The following PDK3 variants were observed in gnomAD, a reference collection of about 807,000 sequenced individuals.
The protein encoded by PDK3 is pyruvate dehydrogenase kinase 3, also known as pyruvate dehydrogenase kinase, isozyme 3.
PDK3 carries 12 observed loss-of-function variants against 32.0 expected under a neutral mutation model. That is an observed-to-expected ratio of 0.37 (90% CI 0.24 to 0.61). The LOEUF (loss-of-function observed/expected upper bound fraction) is 0.61, where lower values mean the gene tolerates loss of function less well. Ranked by LOEUF, PDK3 falls within the 20% of genes least tolerant of loss-of-function variation. The probability of loss-of-function intolerance (pLI) is 0.65; values close to 1 mark genes in which losing one functional copy is unlikely to be tolerated. For synonymous variants in PDK3, 122 were observed against 116.3 expected (o/e 1.05, Z -0.31); for missense variants, 188 against 316.9 (o/e 0.59, Z 3.09).
intron 2 of PDK3, among the ~76,000 whole-genome samples, chrX:24,495,659 C>T (rs1921681684): frequency 8.9e-6 from 1 of 112,739 alleles, no homozygotes; most frequent in Non-Finnish European, 1.9e-5. Context: ...GCACACCACC[C>T]TCCCAGTACC....
intron 2 of PDK3, 126 bp from the exon 3 acceptor site, chrX:24,498,703 A>T: frequency 2.5e-6 from 1 of 395,892 alleles, no homozygotes; most frequent in Middle Eastern, 3.8e-4. Context: ...CACATGGGGG[A>T]TGCGGATGGG....
rs764816292 is a variant in PDK3, at chrX:24,465,410, C to T, written c.-46C>T. The T allele has an allele frequency of 1.0e-5, 10 of 1,004,114 alleles. No individual in the cohort carries two copies. The highest frequency in any genetic ancestry group is 2.5e-5 in the Admixed American group (1 of 40,090). 82.8% of individuals were successfully genotyped at this position (1,004,114 alleles called of 1,213,427 possible). A position where few individuals can be genotyped will look rare whatever the true frequency, so the allele number is the denominator to read the frequency against. On this transcript the variant is annotated 5_prime_UTR_variant, in exon 1 of 11. Coordinates refer to ENST00000379162, the MANE Select transcript of PDK3 (RefSeq NM_005391.5). Reference sequence around the variant, plus strand: ...TGCGGCTTGGCTGCGCCAGCCCTTGCGGCCACCCGGGCGTCTAGGCGGGTC... The same window carrying T: ...TGCGGCTTGGCTGCGCCAGCCCTTGTGGCCACCCGGGCGTCTAGGCGGGTC...
chrX:24,538,407 A>C (rs1044434090), downstream of PDK3, among the ~76,000 whole-genome samples: 5 of 112,264 alleles, frequency 4.5e-5, no homozygotes, highest in Non-Finnish European at 7.5e-5. Flanking sequence ...GGTTCTAAGA[A>C]AATTTATTTT....
chrX:24,540,878 A>ACCCTAGC (rs1555951575), exon 12 of PDK3, among the ~76,000 whole-genome samples: 1 of 81,811 alleles, frequency 1.2e-5, no homozygotes, highest in Non-Finnish European at 2.3e-5. Context: ...ACATGCAAAG[A>ACCCTAGC]CCCTAGCTTC....
chrX:24,532,549 T>G (rs929919365), intron 10 of PDK3, among the ~76,000 whole-genome samples: 3 of 111,588 alleles, frequency 2.7e-5, no homozygotes, highest in African/African-American at 9.8e-5. Context: ...TTCTAAACTC[T>G]AGAATATTTG....
chrX:24,492,828 G>A (rs1921600534), intron 1 of PDK3, among the ~76,000 whole-genome samples: 1 of 109,073 alleles, frequency 9.2e-6, no homozygotes, highest in African/African-American at 3.3e-5. Context: ...GTGAAACCCC[G>A]TCTCTACTAA....
At chrX:24,466,139 AT>A (rs1940061942) in intron 1 of PDK3, among the ~76,000 whole-genome samples, 2 of 110,599 alleles carry the variant, frequency 1.8e-5, no homozygotes, top group African/African-American at 3.3e-5. Flanking sequence ...GGATCCTAGC[AT>A]CAGAGCAGGG....
In PDK3 at chrX:24,465,398, C is replaced by A; in HGVS notation, c.-58C>A. Reference sequence around the variant, plus strand: ...GTGCCCTATCCGTGCGGCTTGGCTGCGCCAGCCCTTGCGGCCACCCGGGCG... The same window carrying A: ...GTGCCCTATCCGTGCGGCTTGGCTGAGCCAGCCCTTGCGGCCACCCGGGCG... On this transcript the variant is annotated 5_prime_UTR_variant, in exon 1 of 11. Coordinates refer to ENST00000379162, the MANE Select transcript of PDK3 (RefSeq NM_005391.5). 1.1e-6 allele frequency: 1 copy of A among 917,889 alleles called. No individual in the cohort carries two copies. The highest frequency in any genetic ancestry group is 1.5e-6 in the Non-Finnish European group (1 of 649,676). The allele number at this position is 917,889 out of a possible 1,213,427, so 75.6% of individuals were successfully genotyped here. A position where few individuals can be genotyped will look rare whatever the true frequency, so the allele number is the denominator to read the frequency against.
At chrX:24,469,881 ATATC>A (rs1920974575) in intron 1 of PDK3, among the ~76,000 whole-genome samples, 1 of 112,470 alleles carries the variant, frequency 8.9e-6, no homozygotes, top group Admixed American at 9.4e-5. Flanking sequence ...TGAAATTAAC[ATATC>A]TATCATCTCA....
In PDK3 at chrX:24,533,830, A is replaced by G; in HGVS notation, c.1078-99A>G. 4 of 906,678 alleles carry G rather than the reference A, an allele frequency of 4.4e-6. No individual in the cohort carries two copies. The South Asian group carries it at 1.0e-4, about 23-fold the overall frequency. The allele number at this position is 906,678 out of a possible 1,213,427, so 74.7% of individuals were successfully genotyped here. On this transcript the variant is annotated intron_variant, in intron 10 of 10. Coordinates refer to ENST00000379162, the MANE Select transcript of PDK3 (RefSeq NM_005391.5). ...TAATATCATTTTGAAAATATGTATT[A>G]AGGTTTCTGATGTTTTAAATAATAA...
intron 5 of PDK3, among the ~76,000 whole-genome samples, chrX:24,517,134 A>T (rs943669048): frequency 9.0e-6 from 1 of 111,594 alleles, no homozygotes; most frequent in African/African-American, 3.3e-5. Flanking sequence ...ATTGTATGGC[A>T]TAAGAATTAT....
At chrX:24,513,353 A>G (rs1210837254) in intron 5 of PDK3, 1 of 111,288 alleles carries the variant, frequency 9.0e-6, no homozygotes, top group Non-Finnish European at 1.9e-5. Flanking sequence ...AAAAGGCAGC[A>G]TATCAATTCC....
chrX:24,517,078 G>C (rs1348763919), intron 5 of PDK3, among the ~76,000 whole-genome samples: 1 of 110,991 alleles, frequency 9.0e-6, no homozygotes, highest in East Asian at 2.8e-4. Context: ...TTACAGGTGT[G>C]AGCCACTGTG....
In PDK3 at chrX:24,505,282, G is replaced by A. The variant is rs1438877046; in HGVS notation, c.579G>A (p.Val193=). ...GAAGTATCGATCCCACCTGTAACGT[G>A]GCGGATGTGGTGAAAGGTAAGGAGA... ...HIGSIDPTCN[V]ADVVKDAYET... Residue 193 remains valine, a synonymous_variant, in exon 5 of 11, where the codon GTG becomes GTA. Coordinates refer to ENST00000379162, the MANE Select transcript of PDK3 (RefSeq NM_005391.5). 1 of 1,194,287 alleles carries A rather than the reference G, an allele frequency of 8.4e-7. No individual in the cohort carries two copies. The highest frequency in any genetic ancestry group is 1.1e-6 in the Non-Finnish European group (1 of 880,657).
intron 7 of PDK3, among the ~76,000 whole-genome samples, 171 bp from the exon 8 acceptor site, chrX:24,527,403 A>G (rs1922549026): frequency 9.0e-6 from 1 of 111,502 alleles, no homozygotes; most frequent in Admixed American, 9.6e-5. Context: ...TTTTTCCTTG[A>G]TTTGAGCACG....
At chrX:24,533,543 G>A (rs751678051) in intron 10 of PDK3, among the ~76,000 whole-genome samples, 1 of 111,812 alleles carries the variant, frequency 8.9e-6, no homozygotes, top group Admixed American at 9.5e-5. Context: ...TAAGTAATGC[G>A]ATATTTAATA....
chrX:24,527,820 T>C, intron 8 of PDK3, 145 bp downstream of exon 8: 1 of 473,115 alleles, frequency 2.1e-6, no homozygotes, highest in East Asian at 3.7e-5. Context: ...TTAAGTTACC[T>C]TATTTAAACT....
chrX:24,525,718 T>C (rs920546406), intron 6 of PDK3, among the ~76,000 whole-genome samples: 1 of 112,264 alleles, frequency 8.9e-6, no homozygotes, highest in African/African-American at 3.2e-5. Context: ...TTACATTCTA[T>C]GCTATAAGAT....
chrX:24,496,084 A>G (rs1353697904), intron 2 of PDK3, among the ~76,000 whole-genome samples: 1 of 111,863 alleles, frequency 8.9e-6, no homozygotes, highest in African/African-American at 3.3e-5. Context: ...CCTTTTCCGT[A>G]TCCATTCCAA....
Sources: gnomAD v4.1 joint callset for allele counts (sites outside exome capture counted in the v4.1 genomes callset) on GRCh38, gnomAD v4.1.1 for gene constraint, MANE v1.5 for transcripts, NCBI Gene and HGNC (gene_info 2026-07-23, HGNC 2026-07-21) for gene names.